LOXL2: variants seen among roughly 807,000 people sequenced by gnomAD.
LOXL2 encodes the protein lysyl oxidase homolog 2.
Under a neutral mutation model 93.0 loss-of-function variants are expected in LOXL2, and 70 were observed. The observed-to-expected ratio is 0.75, with a 90% CI of 0.62 to 0.92. LOXL2 has a LOEUF of 0.92. LOXL2 is among the 40% of genes least tolerant of loss of function. The pLI is 0.00. For synonymous variants in LOXL2, 438 were observed against 413.2 expected (o/e 1.06, Z -0.73); for missense variants, 973 against 1,054.9 (o/e 0.92, Z 1.08).
intron 3 of LOXL2, among the ~76,000 whole-genome samples, chr8:23,350,725 A>G (rs55951871): frequency 0.31 from 46,736 of 152,080 alleles, 9,408 homozygotes; most frequent in African/African-American, 0.57. Flanking sequence ...TGACACCCCC[A>G]AAGGAAAGAG....
intron 5 of LOXL2, among the ~76,000 whole-genome samples, chr8:23,332,363 C>CCA (rs796597377): frequency 3.4e-5 from 4 of 118,822 alleles, no homozygotes; most frequent in African/African-American, 1.3e-4. Context: ...TCATACACAC[C>CCA]CACACACACC....
intron 10 of LOXL2, 99 bp downstream of exon 10, chr8:23,309,569 T>A (rs1803289092): frequency 1.6e-6 from 2 of 1,289,094 alleles, no homozygotes; most frequent in Admixed American, 4.0e-5. Flanking sequence ...CCATGCAGCC[T>A]CTTGGCTCTA....
chr8:23,308,284 A>T (rs1803264741), intron 10 of LOXL2, among the ~76,000 whole-genome samples: 1 of 152,220 alleles, frequency 6.6e-6, no homozygotes, highest in Non-Finnish European at 1.5e-5. Flanking sequence ...TCACCTGAGA[A>T]TCCTGCCAAA....
chr8:23,315,942 G>A (rs1029733979), intron 9 of LOXL2, among the ~76,000 whole-genome samples: 1 of 152,350 alleles, frequency 6.6e-6, no homozygotes, highest in East Asian at 1.9e-4. Flanking sequence ...GGAAGTGGCT[G>A]TTCCTCTTTG....
intron 3 of LOXL2, among the ~76,000 whole-genome samples, chr8:23,345,821 C>A (rs534431260): frequency 2.0e-5 from 3 of 152,150 alleles, no homozygotes; most frequent in Non-Finnish European, 4.4e-5. Flanking sequence ...GTAATCCCAG[C>A]ACTTTGGGAG....
chr8:23,304,048 T>G (rs1233169527), intron 10 of LOXL2, among the ~76,000 whole-genome samples: 2 of 152,212 alleles, frequency 1.3e-5, no homozygotes. Flanking sequence ...CCTCGCATTG[T>G]GCAAATAAAG....
chr8:23,318,135 TG>T, intron 8 of LOXL2, among the ~76,000 whole-genome samples: 1 of 151,176 alleles, frequency 6.6e-6, no homozygotes, highest in East Asian at 1.9e-4. Context: ...CTCCATAATA[TG>T]GGCAATTCTT....
rs759774018 is a variant in LOXL2, at chr8:23,298,891, C to A, written c.2190G>T (p.Met730Ile). 2.4e-5 allele frequency: 39 copies of A among 1,613,922 alleles called. 1 individual carries two copies. The Admixed American group carries it at 6.3e-4, about 26-fold the overall frequency. Reference sequence around the variant, plus strand: ...GGCCGTCATAGCGGCTCCTGCATTTCATGATGTTGTTGGAGTAATCGGATT... The same window carrying A: ...GGCCGTCATAGCGGCTCCTGCATTTAATGATGTTGTTGGAGTAATCGGATT... ...VAESDYSNNI[M>I]KCRSRYDGHR... The change falls in exon 13 of 14, where the codon ATG (methionine) becomes ATT (isoleucine). Residue 730 changes from methionine (M) to isoleucine (I), a missense_variant. Met to Ile is a conservative substitution (Grantham distance 10). Coordinates refer to ENST00000389131, the MANE Select transcript of LOXL2 (RefSeq NM_002318.3).
At chr8:23,372,492 A>C (rs1804512121) in intron 1 of LOXL2, among the ~76,000 whole-genome samples, 2 of 152,312 alleles carry the variant, frequency 1.3e-5, no homozygotes, top group South Asian at 4.1e-4. Flanking sequence ...TGCTGGGATT[A>C]CAGGTGTGAG....
intron 1 of LOXL2, among the ~76,000 whole-genome samples, chr8:23,387,181 G>T (rs1364571311): frequency 6.6e-6 from 1 of 152,196 alleles, no homozygotes; most frequent in Admixed American, 6.5e-5. Context: ...CCCCAATATG[G>T]TCTCACTGGG....
In LOXL2 at chr8:23,309,731, T is replaced by G. The variant is rs755571811; in HGVS notation, c.1817A>C (p.Asn606Thr). 6.3e-7 allele frequency: 1 copy of G among 1,595,550 alleles called. No individual in the cohort carries two copies. Among genetic ancestry groups the G allele is most frequent in the Non-Finnish European group, 8.5e-7 (1 of 1,171,174 alleles). ...CTTGGGCCGGAAGTCGGACTGGCCA[T>G]TGTTGTGGATCTGGGAGGAGAAGCG... ...LLRFSSQIHN[N>T]GQSDFRPKNG... is the part of the protein sequence containing the mutation. The change falls in exon 10 of 14, where the codon AAT (asparagine) becomes ACT (threonine). Residue 606 changes from asparagine to threonine, a missense_variant. Coordinates refer to ENST00000389131, the MANE Select transcript of LOXL2 (RefSeq NM_002318.3).
At position 23,330,735 on chromosome 8, in the gene LOXL2, G is replaced by GAGGCTC. The variant is rs538225928; in HGVS notation, c.967-2176_967-2171dup. ...CTGGATGACACACAAGGAAAGCTCA[G>GAGGCTC]AGGCTCAGGCTGAGGCTGTGGAAAG... is the stretch of plus-strand genomic sequence containing the variant. On this transcript the variant is annotated intron_variant, in intron 5 of 13. Transcript: ENST00000389131. Among the ~76,000 whole-genome samples, 232 of 151,736 alleles carry GAGGCTC rather than the reference G, an allele frequency of 1.5e-3. 1 individual carries two copies. The highest frequency in any genetic ancestry group is 5.4e-3 in the African/African-American group (224 of 41,394).
chr8:23,316,707 C>G (rs7357447), intron 9 of LOXL2: 330,125 of 501,944 alleles, frequency 0.66, 111,272 homozygotes, highest in Admixed American at 0.71. Flanking sequence ...GGTCCTGTGA[C>G]TGAATCCGGG....
chr8:23,398,232 G>C (rs1390625170), intron 1 of LOXL2, among the ~76,000 whole-genome samples: 1 of 151,236 alleles, frequency 6.6e-6, no homozygotes, highest in Non-Finnish European at 1.5e-5. Context: ...AAGTTATCTT[G>C]TCGTAAGTGT....
intron 1 of LOXL2, chr8:23,385,898 C>T (rs1441863493): frequency 2.6e-6 from 2 of 757,916 alleles, no homozygotes; most frequent in Middle Eastern, 4.5e-4. Context: ...TCTTTGAAAT[C>T]CAGCACGTAC....
At chr8:23,344,312 C>T (rs17767946) in intron 3 of LOXL2, among the ~76,000 whole-genome samples, 30,029 of 151,982 alleles carry the variant, frequency 0.2, 3,025 homozygotes, top group South Asian at 0.24. Flanking sequence ...TATCCTCATT[C>T]TTCCACCGAC....
intron 9 of LOXL2, among the ~76,000 whole-genome samples, chr8:23,314,274 C>A (rs560515416): frequency 2.3e-4 from 33 of 142,560 alleles, no homozygotes; most frequent in African/African-American, 7.9e-4. Context: ...ACCATTTGAC[C>A]CAGCCATCCC....
chr8:23,340,307 AG>A (rs1803861658), intron 4 of LOXL2, among the ~76,000 whole-genome samples: 1 of 152,168 alleles, frequency 6.6e-6, no homozygotes, highest in African/African-American at 2.4e-5. Context: ...AAGAGGAGGG[AG>A]GAACACCCCA....
At chr8:23,322,726 AG>A (rs1803515385) in intron 6 of LOXL2, among the ~76,000 whole-genome samples, 1 of 152,228 alleles carries the variant, frequency 6.6e-6, no homozygotes, top group Non-Finnish European at 1.5e-5. Flanking sequence ...AGTTAGAAAA[AG>A]GGATTTTAAA....
Sources: allele counts gnomAD v4.1 joint callset (sites outside exome capture counted in the v4.1 genomes callset), GRCh38; gene constraint gnomAD v4.1.1; transcripts MANE v1.5; gene names NCBI Gene and HGNC (gene_info 2026-07-23, HGNC 2026-07-21).